The following RABGAP1L variants were observed in gnomAD, a reference collection of about 807,000 sequenced individuals.
RABGAP1L encodes rab GTPase-activating protein 1-like.
Under a neutral mutation model 137.7 loss-of-function variants are expected in RABGAP1L, and 63 were observed. The ratio of observed to expected loss-of-function variants is 0.46; its 90% CI spans 0.37 to 0.56. The LOEUF (loss-of-function observed/expected upper bound fraction) is 0.56. Among genes scored for constraint, RABGAP1L ranks in the 20% least tolerant of loss-of-function variants. The pLI is 0.00. For synonymous variants in RABGAP1L, 431 were observed against 433.7 expected, an observed-to-expected ratio of 0.99 and a Z score of 0.08; for missense variants, 1,095 against 1,244.0, an observed-to-expected ratio of 0.88 and a Z score of 1.80.
intron 13 of RABGAP1L, among the ~76,000 whole-genome samples, chr1:174,555,467 A>G (rs1666812908): frequency 1.3e-5 from 2 of 152,198 alleles, no homozygotes. Context: ...TGTTGTAAGT[A>G]TGTCTCAGGA....
chr1:174,782,957 C>T (rs377729694), intron 18 of RABGAP1L, among the ~76,000 whole-genome samples: 2 of 152,192 alleles, frequency 1.3e-5, no homozygotes, highest in East Asian at 1.9e-4. Flanking sequence ...CGGGCAACCC[C>T]CTTTGGGTCC....
intron 13 of RABGAP1L, among the ~76,000 whole-genome samples, chr1:174,626,671 A>G (rs1392224787): frequency 6.6e-6 from 1 of 152,080 alleles, no homozygotes; most frequent in Non-Finnish European, 1.5e-5. Flanking sequence ...CCCCCACCCC[A>G]TATTCAAGGA....
At chr1:174,780,896 G>T (rs1686951504) in intron 18 of RABGAP1L, among the ~76,000 whole-genome samples, 1 of 151,214 alleles carries the variant, frequency 6.6e-6, no homozygotes, top group African/African-American at 2.4e-5. Context: ...CAAAGGACAT[G>T]AACTCATCCT....
intron 19 of RABGAP1L, among the ~76,000 whole-genome samples, chr1:174,893,589 T>C (rs1212008480): frequency 6.6e-6 from 1 of 152,234 alleles, no homozygotes; most frequent in Non-Finnish European, 1.5e-5. Flanking sequence ...GAATGTCTTT[T>C]AAAGACAGAA....
chr1:174,871,409 G>A (rs1193788556), intron 19 of RABGAP1L, among the ~76,000 whole-genome samples: 2 of 152,182 alleles, frequency 1.3e-5, no homozygotes, highest in Non-Finnish European at 2.9e-5. Flanking sequence ...TGAGATTACA[G>A]GCATGAGCCA....
At chr1:174,862,180 C>A (rs1027738657) in intron 19 of RABGAP1L, among the ~76,000 whole-genome samples, 5 of 152,094 alleles carry the variant, frequency 3.3e-5, no homozygotes, top group South Asian at 2.1e-4. Flanking sequence ...TTTTCCAGCA[C>A]CGTTTATTGG....
At chr1:174,541,440 C>T (rs915732389) in intron 13 of RABGAP1L, among the ~76,000 whole-genome samples, 7 of 152,016 alleles carry the variant, frequency 4.6e-5, no homozygotes, top group Non-Finnish European at 7.4e-5. Context: ...TCATAAATAG[C>T]TCTTATTATT....
chr1:174,889,829 A>G (rs545584387), intron 19 of RABGAP1L, among the ~76,000 whole-genome samples: 2 of 152,118 alleles, frequency 1.3e-5, no homozygotes, highest in Admixed American at 6.5e-5. Context: ...GCTTGAGTCC[A>G]AGTGATTCTC....
At chr1:174,352,927 A>G (rs540192012) in intron 11 of RABGAP1L, among the ~76,000 whole-genome samples, 3 of 152,266 alleles carry the variant, frequency 2.0e-5, no homozygotes, top group East Asian at 3.9e-4. Flanking sequence ...ACTCTTCTCC[A>G]AAGAGATTCT....
intron 14 of RABGAP1L, among the ~76,000 whole-genome samples, chr1:174,643,925 G>T (rs1032631011): frequency 7.6e-6 from 1 of 132,250 alleles, no homozygotes; most frequent in Non-Finnish European, 1.5e-5. Flanking sequence ...GGGTGTGTGT[G>T]TGTGTGTGTG....
intron 11 of RABGAP1L, among the ~76,000 whole-genome samples, chr1:174,315,511 GT>G (rs1471239089): frequency 6.6e-6 from 1 of 151,982 alleles, no homozygotes; most frequent in East Asian, 1.9e-4. Flanking sequence ...TCATTTCTAA[GT>G]GAGGATGTAC....
chr1:174,757,133 A>C (rs1684830138), intron 18 of RABGAP1L: 3 of 436,770 alleles, frequency 6.9e-6, no homozygotes, highest in Admixed American at 2.6e-5. Context: ...GTTCAGGTTT[A>C]ATTGTCAGCT....
chr1:174,820,759 G>A (rs1558114741), intron 19 of RABGAP1L, among the ~76,000 whole-genome samples: 3 of 152,134 alleles, frequency 2.0e-5, no homozygotes, highest in Non-Finnish European at 4.4e-5. Flanking sequence ...GCTCGCCCCT[G>A]TAATCTTAGC....
At chr1:174,837,689 G>C (rs953886923) in intron 19 of RABGAP1L, among the ~76,000 whole-genome samples, 1 of 152,102 alleles carries the variant, frequency 6.6e-6, no homozygotes, top group South Asian at 2.1e-4. Context: ...GCTGTGTCCT[G>C]GTTGAAATTC....
rs183135062 is a variant in RABGAP1L at position 174,617,991 on chromosome 1, T to C, written c.1711-19384T>C. The stretch of plus-strand genomic sequence containing the variant: ...TCTTAGCAAATGGCACACCTTTAGA[T>C]TATAGCCCGCGCCTGGCTTGGAGGG... On this transcript the variant is annotated intron_variant, in intron 13 of 25. Transcript: ENST00000681986. 3.0e-4 allele frequency among the ~76,000 whole-genome samples: 46 copies of C among 152,340 alleles called. No individual in the cohort carries two copies. The East Asian group carries it at 8.1e-3, about 27-fold the overall frequency.
At chr1:174,180,977 A>G (rs7547766) in intron 1 of RABGAP1L, among the ~76,000 whole-genome samples, 79 of 152,054 alleles carry the variant, frequency 5.2e-4, no homozygotes, top group African/African-American at 1.8e-3. Context: ...CTTCTCTTAC[A>G]TTTAATTCAC....
chr1:174,618,363 C>T (rs997128855), intron 13 of RABGAP1L, among the ~76,000 whole-genome samples: 7 of 151,856 alleles, frequency 4.6e-5, no homozygotes, highest in East Asian at 1.9e-4. Context: ...GTCTCTGACC[C>T]ACGCGTAGCC....
At chr1:174,742,194 G>T (rs1572995794) in intron 17 of RABGAP1L, among the ~76,000 whole-genome samples, 3 of 143,918 alleles carry the variant, frequency 2.1e-5, no homozygotes, top group Admixed American at 2.1e-4. Flanking sequence ...AGAGGAGGAG[G>T]GGGAGGGGGA....
At chr1:174,165,346 C>T (rs557535010) in intron 1 of RABGAP1L, among the ~76,000 whole-genome samples, 3 of 152,192 alleles carry the variant, frequency 2.0e-5, no homozygotes, top group African/African-American at 4.8e-5. Flanking sequence ...GACGGGGTTT[C>T]GCCATGTTGG....
Sources: gnomAD v4.1 joint callset for allele counts (sites outside exome capture counted in the v4.1 genomes callset) on GRCh38, gnomAD v4.1.1 for gene constraint, MANE v1.5 for transcripts, NCBI Gene and HGNC (gene_info 2026-07-23, HGNC 2026-07-21) for gene names.